The following DEAF1 variants were observed in gnomAD, a reference collection of about 807,000 sequenced individuals.
DEAF1 encodes the protein DEAF1 transcription factor, also known as deformed epidermal autoregulatory factor 1 homolog.
In DEAF1, 53 loss-of-function variants were observed where a neutral mutation model predicts 58.9. The observed-to-expected ratio is 0.90, with a 90% confidence interval of 0.72 to 1.13. The LOEUF is 1.13. DEAF1 is among the 50% of genes most tolerant of loss of function. DEAF1 has a pLI of 0.00. For missense variants in DEAF1, 685 were observed against 791.4 expected (o/e 0.87, Z 1.61); for synonymous variants, 385 against 340.4 (o/e 1.13, Z -1.44).
At chr11:685,079 ATTC>A in intron 5 of DEAF1, 116 bp from the exon 6 acceptor site, 2 of 595,218 alleles carry the variant, frequency 3.4e-6, no homozygotes, top group Non-Finnish European at 5.2e-6. Context: ...AAATATAAAA[ATTC>A]TTTTTTTTTT....
At chr11:645,969 T>G (rs945860494) in intron 11 of DEAF1, among the ~76,000 whole-genome samples, 1 of 151,932 alleles carries the variant, frequency 6.6e-6, no homozygotes, top group Non-Finnish European at 1.5e-5. Context: ...AGAGCAAAAT[T>G]AGGCCGGGCG....
chr11:670,560 CA>C (rs936395752), intron 10 of DEAF1, among the ~76,000 whole-genome samples: 28 of 151,382 alleles, frequency 1.8e-4, no homozygotes, highest in Middle Eastern at 6.8e-3. Flanking sequence ...CCTAAAATAC[CA>C]AAAAATAGCT....
intron 1 of DEAF1, chr11:700,833 A>C: frequency 4.4e-6 from 4 of 919,030 alleles, no homozygotes; most frequent in Non-Finnish European, 7.2e-6. Flanking sequence ...CTGCTTACCC[A>C]GTTGCTTTGC....
intron 10 of DEAF1, among the ~76,000 whole-genome samples, chr11:670,771 G>GTTTTTTTTT (rs199899292): frequency 2.2e-4 from 10 of 45,290 alleles, no homozygotes; most frequent in African/African-American, 6.8e-4. Flanking sequence ...TTTTCTTTTT[G>GTTTTTTTTT]TTTTTGTTTT....
rs1860710927 is a variant in DEAF1 at position 688,958 on chromosome 11, C to T, written c.388-498G>A. Reference sequence around the variant, plus strand: ...TTCCAAAATCAGCCTTCAGGCGGCACAGACCCCGCCACAGGAAGCCAGAGT... The same window carrying T: ...TTCCAAAATCAGCCTTCAGGCGGCATAGACCCCGCCACAGGAAGCCAGAGT... On this transcript the variant is annotated intron_variant, in intron 2 of 11. Transcript: ENST00000382409. This position sits in a 1 kb window ranked among gnomAD's most constrained non-coding sequence, Gnocchi z 4.3. Among the ~76,000 whole-genome samples the T allele has an allele frequency of 6.6e-6, 1 of 152,130 alleles. No homozygotes were observed. Among genetic ancestry groups the T allele is most frequent in the Non-Finnish European group, 1.5e-5 (1 of 68,010 alleles).
chr11:660,151 C>T (rs922285088), intron 10 of DEAF1, among the ~76,000 whole-genome samples: 1 of 152,226 alleles, frequency 6.6e-6, no homozygotes, highest in Non-Finnish European at 1.5e-5. Context: ...GATTACTCTC[C>T]CTCGAGGAAG....
intron 6 of DEAF1, 54 bp from the exon 7 acceptor site, chr11:681,143 C>T (rs1245030786): frequency 1.6e-5 from 26 of 1,611,716 alleles, no homozygotes; most frequent in South Asian, 1.2e-4. Flanking sequence ...AGCTATGCTG[C>T]GCTTGCAACT....
chr11:644,543 T>C lies in DEAF1; in HGVS notation c.*7A>G, dbSNP rs1044628242. ...GGGCCCCAGCTCCCAGGGCGGCCGA[T>C]GGAGCCTCACACGGTCACCTTCTCC... On this transcript the variant is annotated 3_prime_UTR_variant, in exon 12 of 12. Coordinates refer to ENST00000382409, the MANE Select transcript of DEAF1 (RefSeq NM_021008.4). This position sits in a 1 kb window ranked among gnomAD's most constrained non-coding sequence, Gnocchi z 4.3. 9.9e-6 allele frequency: 16 copies of C among 1,611,216 alleles called. No individual in the cohort carries two copies. The highest frequency in any genetic ancestry group is 3.3e-5 in the Admixed American group (2 of 59,914).
upstream of DEAF1, among the ~76,000 whole-genome samples, chr11:697,100 CAA>C (rs71022954): frequency 2.6e-3 from 366 of 142,018 alleles, 1 homozygote; most frequent in Non-Finnish European, 3.9e-3. Context: ...AATTCTGTCT[CAA>C]AAAAAAAAAA....
chr11:667,461 TAGGC>T (rs1212508459), intron 10 of DEAF1, among the ~76,000 whole-genome samples: 2 of 149,986 alleles, frequency 1.3e-5, no homozygotes, highest in Non-Finnish European at 3.0e-5. Context: ...GGAAGGCAGG[TAGGC>T]AGGCTGGCCA....
chr11:678,473 A>C (rs1860181250), intron 9 of DEAF1: 1 of 584,204 alleles, frequency 1.7e-6, no homozygotes, highest in Admixed American at 2.7e-5. Flanking sequence ...CTGTACCAAA[A>C]GCAACTTCCA....
intron 10 of DEAF1, among the ~76,000 whole-genome samples, chr11:670,931 GTTT>G (rs558436376): frequency 1.1e-5 from 1 of 91,384 alleles, no homozygotes. Flanking sequence ...CCTGGCTAAT[GTTT>G]TTTTTTTTTT....
chr11:687,069 GCCT>G (rs1291854123), intron 4 of DEAF1, 72 bp from the exon 5 acceptor site: 17 of 1,601,298 alleles, frequency 1.1e-5, no homozygotes, highest in Non-Finnish European at 1.4e-5. Context: ...ACCTCCTGGC[GCCT>G]CCTCAACCCC....
At chr11:645,343 G>A (rs1345934498) in intron 11 of DEAF1, among the ~76,000 whole-genome samples, 3 of 152,014 alleles carry the variant, frequency 2.0e-5, no homozygotes, top group South Asian at 4.1e-4. Context: ...TTCGGACAGA[G>A]TTTCGCTCTT....
intron 1 of DEAF1, chr11:704,275 T>G (rs1471284233): frequency 4.1e-6 from 3 of 724,038 alleles, no homozygotes; most frequent in Non-Finnish European, 5.8e-6. Context: ...GGTGGACTCC[T>G]GAGGGCAGGA....
At chr11:659,552 G>GC (rs1859218501) in intron 10 of DEAF1, among the ~76,000 whole-genome samples, 1 of 152,184 alleles carries the variant, frequency 6.6e-6, no homozygotes, top group African/African-American at 2.4e-5. Context: ...CCTCGATGGA[G>GC]CCAACTCCGT....
chr11:704,212 C>A, intron 1 of DEAF1: 2 of 963,896 alleles, frequency 2.1e-6, no homozygotes, highest in Non-Finnish European at 2.7e-6. Flanking sequence ...GCCAGCTGGT[C>A]AGTTCCTGGC....
upstream of DEAF1, chr11:695,441 C>T (rs878975108): frequency 4.2e-6 from 2 of 480,064 alleles, no homozygotes; most frequent in Admixed American, 4.4e-5. Flanking sequence ...CGGCTGTCGT[C>T]CCCGGCCGAC....
chr11:678,883 T>A (rs1860203115), intron 8 of DEAF1, 61 bp from the exon 9 acceptor site: 1 of 1,603,536 alleles, frequency 6.2e-7, no homozygotes, highest in Admixed American at 1.7e-5. Flanking sequence ...AGACTCTAAA[T>A]ATCACGCTGT....
Sources: gnomAD v4.1 joint callset for allele counts (sites outside exome capture counted in the v4.1 genomes callset) on GRCh38, gnomAD v4.1.1 for gene constraint, Gnocchi (gnomAD v3.1) non-coding constraint, MANE v1.5 for transcripts, NCBI Gene and HGNC (gene_info 2026-07-23, HGNC 2026-07-21) for gene names.